UROC1: variants seen among roughly 807,000 people sequenced by gnomAD.
UROC1 encodes the protein urocanate hydratase 1.
In UROC1, 79 loss-of-function variants were observed where a neutral mutation model predicts 89.5. That is an observed-to-expected ratio of 0.88 (90% CI 0.74 to 1.06). The LOEUF (loss-of-function observed/expected upper bound fraction) is 1.06, where lower values mean the gene tolerates loss of function less well. UROC1 is among the 50% of genes least tolerant of loss of function. The pLI is 0.00. For synonymous variants in UROC1, 361 were observed against 354.8 expected, an observed-to-expected ratio of 1.02 and a Z score of -0.20; for missense variants, 885 against 907.8, an observed-to-expected ratio of 0.97 and a Z score of 0.32.
At chr3:126,508,783 C>T (rs1936128890) in intron 3 of UROC1, among the ~76,000 whole-genome samples, 1 of 152,072 alleles carries the variant, frequency 6.6e-6, no homozygotes, top group African/African-American at 2.4e-5. Context: ...GGCGTTTCCA[C>T]CTACTAGGCG....
chr3:126,509,683 A>T lies in UROC1; in HGVS notation c.258-5T>A. 1 of 1,551,540 alleles carries T rather than the reference A, an allele frequency of 6.4e-7. No homozygotes were observed. Among genetic ancestry groups the T allele is most frequent in the Non-Finnish European group, 8.7e-7 (1 of 1,146,958 alleles). On this transcript the variant is annotated splice_polypyrimidine_tract_variant and splice_region_variant and intron_variant, in intron 2 of 19. Coordinates refer to ENST00000290868, the MANE Select transcript of UROC1 (RefSeq NM_144639.3). The stretch of plus-strand genomic sequence containing the variant: ...TACTGCTCAATCGGGTAGGCCCTGC[A>T]AGGGAAAGCCCAACCACCAGGCTGC...
intron 16 of UROC1, among the ~76,000 whole-genome samples, chr3:126,490,574 C>T (rs192174175): frequency 2.0e-5 from 3 of 151,874 alleles, no homozygotes; most frequent in African/African-American, 4.8e-5. Context: ...AATCACAGCT[C>T]GTCGGGGAGC....
Position 126,509,166 on chromosome 3 carries a change from G to A in UROC1, c.351+419C>T, listed in dbSNP as rs546421817. Among the ~76,000 whole-genome samples, 4 of 151,448 alleles carry A rather than the reference G, an allele frequency of 2.6e-5. No individual in the cohort carries two copies. The East Asian group carries it at 7.8e-4, about 29-fold the overall frequency. On this transcript the variant is annotated intron_variant, in intron 3 of 19. Transcript: ENST00000290868. ...TGGGAGGATCACTTGAGCCCCGGAGGTTGAGGTTGCAGTGAGCCAAGATCA... is the reference window on the plus strand; with the variant it reads ...TGGGAGGATCACTTGAGCCCCGGAGATTGAGGTTGCAGTGAGCCAAGATCA...
chr3:126,502,265 G>A (rs1198645881), intron 9 of UROC1, among the ~76,000 whole-genome samples: 9 of 148,798 alleles, frequency 6.0e-5, no homozygotes, highest in African/African-American at 9.9e-5. Flanking sequence ...GTGTGTGTGC[G>A]CCTGTGTGTT....
At chr3:126,502,253 A>G (rs1288517247) in intron 9 of UROC1, among the ~76,000 whole-genome samples, 2 of 148,236 alleles carry the variant, frequency 1.3e-5, no homozygotes, top group East Asian at 2.0e-4. Context: ...CTGTGTGTTT[A>G]TGTGTGTGTG....
At chr3:126,483,269 T>A (rs1042976214) in intron 19 of UROC1, 100 bp downstream of exon 19, 1 of 1,125,588 alleles carries the variant, frequency 8.9e-7, no homozygotes, top group African/African-American at 1.5e-5. Flanking sequence ...CCGGCCCCCA[T>A]CCCCACACCC....
chr3:126,505,704 T>C lies in UROC1; in HGVS notation c.810A>G (p.Ala270=), dbSNP rs1310220958. 6.2e-7 allele frequency: 1 copy of C among 1,613,500 alleles called. No homozygotes were observed. The highest frequency in any genetic ancestry group is 1.3e-5 in the African/African-American group (1 of 74,864). The change falls in exon 8 of 20, where the codon GCA becomes GCG. Residue 270 remains alanine (A), a synonymous_variant. Transcript: ENST00000290868. Reference sequence around the variant, plus strand: ...GGCCAGGAGCCCCCCAGCTTACCTCTGCTATCACACCGATGCACCCCACGA... The same window carrying C: ...GGCCAGGAGCCCCCCAGCTTACCTCCGCTATCACACCGATGCACCCCACGA... ...AVIVGCIGVI[A]EVDKAALEKR... is the part of the protein sequence containing the mutation.
intron 17 of UROC1, 92 bp from the exon 18 acceptor site, chr3:126,488,371 G>A: frequency 6.8e-7 from 1 of 1,473,012 alleles, no homozygotes; most frequent in Non-Finnish European, 9.5e-7. Flanking sequence ...AGCCAGCACT[G>A]CTAGGCCAGA....
intron 1 of UROC1, among the ~76,000 whole-genome samples, chr3:126,511,103 C>A (rs1029101832): frequency 6.6e-6 from 1 of 152,126 alleles, no homozygotes; most frequent in African/African-American, 2.4e-5. Context: ...CAGAGAGGGG[C>A]CTGCCTGAGG....
intron 8 of UROC1, 97 bp downstream of exon 8, chr3:126,505,604 G>T (rs1364613665): frequency 9.0e-6 from 14 of 1,547,138 alleles, no homozygotes; most frequent in Non-Finnish European, 1.2e-5. Context: ...GGATGAGAAG[G>T]GGGGTCTGTG....
At chr3:126,484,762 AG>A (rs1553804854) in intron 18 of UROC1, among the ~76,000 whole-genome samples, 1 of 152,192 alleles carries the variant, frequency 6.6e-6, no homozygotes, top group Non-Finnish European at 1.5e-5. Context: ...CATGGCCTGC[AG>A]TGGGTTGCCC....
intron 11 of UROC1, 85 bp from the exon 12 acceptor site, chr3:126,500,239 C>T (rs948096758): frequency 1.4e-6 from 2 of 1,379,976 alleles, no homozygotes; most frequent in Non-Finnish European, 2.0e-6. Flanking sequence ...CCGCCATGCT[C>T]CCCACCAACT....
intron 6 of UROC1, among the ~76,000 whole-genome samples, chr3:126,506,798 C>T (rs762101614): frequency 5.9e-5 from 9 of 152,182 alleles, no homozygotes; most frequent in Admixed American, 5.2e-4. Context: ...CTTTGCATTG[C>T]CGGCCACCGT....
At position 126,510,776 on chromosome 3, in the gene UROC1, G is replaced by T. The variant is rs151076375; in HGVS notation, c.145C>A (p.Leu49Met). The stretch of plus-strand genomic sequence containing the variant: ...TGGACATCCGGGGGGAAGTAGCGCA[G>T]GGCGTTCCTCAGCGCCAGCTGGGGT... ...VEKQLALRNA[L>M]RYFPPDVQEL... Residue 49 changes from leucine (L) to methionine (M), a missense_variant, in exon 2 of 20, where the codon CTG becomes ATG. Leu to Met is a conservative substitution (Grantham distance 15). Transcript: ENST00000290868. 4.3e-5 allele frequency: 69 copies of T among 1,613,678 alleles called. No individual in the cohort carries two copies. The highest frequency in any genetic ancestry group is 5.0e-5 in the Non-Finnish European group (59 of 1,180,036).
At chr3:126,505,092 C>T (rs1292528145) in intron 8 of UROC1, among the ~76,000 whole-genome samples, 9 of 152,196 alleles carry the variant, frequency 5.9e-5, no homozygotes, top group Non-Finnish European at 1.2e-4. Context: ...CCACCAGACC[C>T]CCTTCACCTT....
chr3:126,509,895 C>T (rs549425736), intron 2 of UROC1, among the ~76,000 whole-genome samples: 3 of 152,376 alleles, frequency 2.0e-5, no homozygotes, highest in Admixed American at 1.3e-4. Flanking sequence ...ACTTGGCACA[C>T]TCCACCTGGG....
Position 126,488,188 on chromosome 3 carries a change from A to C in UROC1, c.1790+10T>G. 6.2e-7 allele frequency: 1 copy of C among 1,614,126 alleles called. No homozygotes were observed. The highest frequency in any genetic ancestry group is 8.5e-7 in the Non-Finnish European group (1 of 1,180,014). ...ATCAGCCCACACCCTGTCCTCTGAA[A>C]CCTTCTTACCAGCCCACGCCCCCTC... On this transcript the variant is annotated intron_variant, in intron 18 of 19. Coordinates refer to ENST00000290868, the MANE Select transcript of UROC1 (RefSeq NM_144639.3).
chr3:126,494,014 C>T (rs755140903), intron 15 of UROC1, among the ~76,000 whole-genome samples: 1 of 152,238 alleles, frequency 6.6e-6, no homozygotes, highest in Non-Finnish European at 1.5e-5. Context: ...ATTTTACTCA[C>T]ACCAGCTGCC....
chr3:126,496,340 C>T (rs1392877142), intron 14 of UROC1, among the ~76,000 whole-genome samples: 3 of 151,990 alleles, frequency 2.0e-5, no homozygotes, highest in East Asian at 1.9e-4. Context: ...CTGATGCACT[C>T]GGTCCCTCCA....
Sources: allele counts gnomAD v4.1 joint callset (sites outside exome capture counted in the v4.1 genomes callset), GRCh38; gene constraint gnomAD v4.1.1; transcripts MANE v1.5; gene names NCBI Gene and HGNC (gene_info 2026-07-23, HGNC 2026-07-21).